Variants in OTUD7A observed in about 807,000 individuals in gnomAD.
OTUD7A encodes the protein OTU deubiquitinase 7A.
OTUD7A carries 12 observed loss-of-function variants against 65.7 expected under a neutral mutation model. The ratio of observed to expected loss-of-function variants is 0.18; its 90% CI spans 0.12 to 0.30. OTUD7A has a LOEUF of 0.30. Among genes scored for constraint, OTUD7A ranks in the 10% least tolerant of loss-of-function variants. The probability of loss-of-function intolerance (pLI) is 1.00; values close to 1 mark genes in which losing one functional copy is unlikely to be tolerated. For synonymous variants in OTUD7A, 641 were observed against 586.3 expected (o/e 1.09, Z -1.35); for missense variants, 1,148 against 1,304.8 (o/e 0.88, Z 1.85).
At chr15:31,562,769 C>A (rs1344265973) in intron 4 of OTUD7A, among the ~76,000 whole-genome samples, 1 of 152,202 alleles carries the variant, frequency 6.6e-6, no homozygotes, top group East Asian at 1.9e-4. Flanking sequence ...CAACTACTCA[C>A]CTCTGTCTTT....
At chr15:31,851,749 T>A (rs1309293488) in intron 1 of OTUD7A, among the ~76,000 whole-genome samples, 1 of 152,192 alleles carries the variant, frequency 6.6e-6, no homozygotes, top group Non-Finnish European at 1.5e-5. Flanking sequence ...CAGTTACACA[T>A]CCCCATGATT....
At chr15:31,804,680 TG>T (rs1050780934) in intron 1 of OTUD7A, among the ~76,000 whole-genome samples, 1 of 152,082 alleles carries the variant, frequency 6.6e-6, no homozygotes, top group African/African-American at 2.4e-5. Flanking sequence ...CCATGCTAGA[TG>T]GAACCGAAGA....
intron 1 of OTUD7A, among the ~76,000 whole-genome samples, chr15:31,729,862 C>A (rs1020093757): frequency 1.3e-5 from 2 of 152,188 alleles, no homozygotes; most frequent in Non-Finnish European, 2.9e-5. Flanking sequence ...TGCTTCCCAG[C>A]CCTCTGCCCT....
chr15:31,544,169 A>G (rs1888062931), intron 5 of OTUD7A, among the ~76,000 whole-genome samples: 3 of 151,714 alleles, frequency 2.0e-5, no homozygotes, highest in Non-Finnish European at 4.4e-5. Flanking sequence ...TGAAAATCAG[A>G]AAATATTTTG....
At chr15:31,666,364 G>A (rs1892320522) in intron 1 of OTUD7A, among the ~76,000 whole-genome samples, 1 of 152,080 alleles carries the variant, frequency 6.6e-6, no homozygotes, top group South Asian at 2.1e-4. Context: ...TATTTTTCCA[G>A]GAATTTATCC....
intron 3 of OTUD7A, among the ~76,000 whole-genome samples, chr15:31,616,566 G>A (rs1337146513): frequency 6.6e-6 from 1 of 152,072 alleles, no homozygotes; most frequent in Non-Finnish European, 1.5e-5. Flanking sequence ...ATTTATTTGA[G>A]ACAGAGTCTT....
Position 31,570,053 on chromosome 15 carries a change from C to T in OTUD7A, c.296G>A (p.Arg99Gln), listed in dbSNP as rs145800618. 1.6e-5 allele frequency: 26 copies of T among 1,614,024 alleles called. No individual in the cohort carries two copies. The highest frequency in any genetic ancestry group is 1.3e-4 in the South Asian group (12 of 91,072). ...GTCGTCCTGCCTCTGCAGGCAGGGT[C>T]GCTCCACCTTGTGCCCGGGCTGTGG... is the stretch of plus-strand genomic sequence containing the variant. ...REPQPGHKVE[R>Q]PCLQRQDDIA... The change falls in exon 4 of 13, where the codon CGA (arginine) becomes CAA (glutamine). Residue 99 changes from arginine (R) to glutamine (Q), a missense_variant. Coordinates refer to ENST00000307050, the MANE Select transcript of OTUD7A (RefSeq NM_001382637.1).
Position 31,526,428 on chromosome 15 carries a change from G to A in OTUD7A, c.814C>T (p.Arg272Trp), listed in dbSNP as rs368731598. 2.5e-6 allele frequency: 4 copies of A among 1,601,564 alleles called. No homozygotes were observed. Among genetic ancestry groups the A allele is most frequent in the Admixed American group, 1.7e-5 (1 of 59,706 alleles). Residue 272 changes from arginine (R) to tryptophan (W), a missense_variant, in exon 8 of 13, where the codon CGG (arginine) becomes TGG (tryptophan). By Grantham distance (101) the Arg-to-Trp change is moderately radical. Coordinates refer to ENST00000307050, the MANE Select transcript of OTUD7A (RefSeq NM_001382637.1). ...GLVYTEEEWE[R>W]EWTELLKLAS... Reference sequence around the variant, plus strand: ...AGCTTCAGCAGCTCCGTCCACTCCCGCTCCCACTCCTCCTCTGTGTACACC... The same window carrying A: ...AGCTTCAGCAGCTCCGTCCACTCCCACTCCCACTCCTCCTCTGTGTACACC...
Position 31,648,863 on chromosome 15 carries a change from C to T in OTUD7A, c.151+6233G>A, listed in dbSNP as rs191242217. Among the ~76,000 whole-genome samples, 1,224 of 152,202 alleles carry T rather than the reference C, an allele frequency of 8.0e-3. 17 individuals are homozygous for T. Among genetic ancestry groups the T allele is most frequent in the African/African-American group, 0.028 (1,162 of 41,490 alleles). On this transcript the variant is annotated intron_variant, in intron 3 of 12. Transcript: ENST00000307050. ...ACAACCTCCGCCTCCTGGGTTTAAG[C>T]GATTCTCCTGCCTCAGCCTTCTGAG...
intron 1 of OTUD7A, among the ~76,000 whole-genome samples, chr15:31,813,946 C>T (rs1282903545): frequency 6.6e-6 from 1 of 152,170 alleles, no homozygotes; most frequent in Non-Finnish European, 1.5e-5. Flanking sequence ...AGAGGAATTA[C>T]TGTAATGCCT....
intron 1 of OTUD7A, among the ~76,000 whole-genome samples, chr15:31,786,758 G>A (rs968477658): frequency 6.6e-6 from 1 of 152,140 alleles, no homozygotes; most frequent in African/African-American, 2.4e-5. Context: ...GGTGTAAGCA[G>A]GTCTCCCCCT....
At chr15:31,610,611 A>ATTTTTTT (rs1309588573) in intron 3 of OTUD7A, among the ~76,000 whole-genome samples, 3 of 36,578 alleles carry the variant, frequency 8.2e-5, no homozygotes, top group Admixed American at 4.0e-4. Flanking sequence ...ATATATATAT[A>ATTTTTTT]TATATATTTT....
rs556456354 is a variant in OTUD7A at position 31,743,897 on chromosome 15, G to A, written c.-99-86820C>T. ...AGGGAAAGAGGGAAAGCAGGAGCTCGCTTATATCATCAGCATCACAGATGA... is the reference window on the plus strand; with the variant it reads ...AGGGAAAGAGGGAAAGCAGGAGCTCACTTATATCATCAGCATCACAGATGA... On this transcript the variant is annotated intron_variant, in intron 1 of 12. Coordinates refer to ENST00000307050, the MANE Select transcript of OTUD7A (RefSeq NM_001382637.1). Among the ~76,000 whole-genome samples, 111 of 152,016 alleles carry A rather than the reference G, an allele frequency of 7.3e-4. 2 individuals carry two copies. Among genetic ancestry groups the A allele is most frequent in the African/African-American group, 2.6e-3 (106 of 41,480 alleles).
At chr15:31,755,565 C>CA (rs1036160523) in intron 1 of OTUD7A, among the ~76,000 whole-genome samples, 2 of 151,930 alleles carry the variant, frequency 1.3e-5, no homozygotes, top group African/African-American at 4.8e-5. Context: ...ACTAAAAATA[C>CA]AAAAAAATTA....
At chr15:31,694,432 C>G (rs1308519968) in intron 1 of OTUD7A, among the ~76,000 whole-genome samples, 1 of 152,178 alleles carries the variant, frequency 6.6e-6, no homozygotes, top group African/African-American at 2.4e-5. Flanking sequence ...AACCTTTGCT[C>G]ATCATTCAAC....
At chr15:31,563,833 C>A (rs561514485) in intron 4 of OTUD7A, among the ~76,000 whole-genome samples, 54 of 152,300 alleles carry the variant, frequency 3.5e-4, no homozygotes, top group African/African-American at 1.3e-3. Flanking sequence ...ACTTCTAGAG[C>A]CCAAATGACA....
chr15:31,842,583 G>A (rs1313554676), intron 1 of OTUD7A, among the ~76,000 whole-genome samples: 2 of 152,054 alleles, frequency 1.3e-5, no homozygotes, highest in African/African-American at 4.8e-5. Context: ...GGGACAGAGA[G>A]GACACTGCAC....
In OTUD7A at chr15:31,733,066, A is replaced by G. The variant is rs369529422; in HGVS notation, c.-99-75989T>C. Among the ~76,000 whole-genome samples, 49 of 152,344 alleles carry G rather than the reference A, an allele frequency of 3.2e-4. No homozygotes were observed. In the South Asian group the frequency reaches 9.3e-3, roughly 29 times the overall value. Reference sequence around the variant, plus strand: ...CTCTTTAACAGCATCTTAGTTTGCCACAGTGGGCTCTGGAGCCCGAGTTTC... The same window carrying G: ...CTCTTTAACAGCATCTTAGTTTGCCGCAGTGGGCTCTGGAGCCCGAGTTTC... On this transcript the variant is annotated intron_variant, in intron 1 of 12. Coordinates refer to ENST00000307050, the MANE Select transcript of OTUD7A (RefSeq NM_001382637.1).
Position 31,703,797 on chromosome 15 carries a change from TG to T in OTUD7A, c.-99-46721del, listed in dbSNP as rs201155435. ...CATAGCAACTTTCTTCATAATAGCC[TG>T]GAACCAGAAATGATCCAGAACCCTC... On this transcript the variant is annotated intron_variant, in intron 1 of 12. Coordinates refer to ENST00000307050, the MANE Select transcript of OTUD7A (RefSeq NM_001382637.1). Among the ~76,000 whole-genome samples, 8 of 150,812 alleles carry T rather than the reference TG, an allele frequency of 5.3e-5. No homozygotes were observed. The East Asian group carries it at 1.6e-3, about 30-fold the overall frequency.
Sources: gnomAD v4.1 joint callset for allele counts (sites outside exome capture counted in the v4.1 genomes callset) on GRCh38, gnomAD v4.1.1 for gene constraint, MANE v1.5 for transcripts, NCBI Gene and HGNC (gene_info 2026-07-23, HGNC 2026-07-21) for gene names.